The following SHPRH variants were observed in gnomAD, a reference collection of about 807,000 sequenced individuals.
SHPRH encodes SNF2 histone linker PHD RING helicase, also known as E3 ubiquitin-protein ligase SHPRH.
In SHPRH, 106 loss-of-function variants were observed where a neutral mutation model predicts 202.5. That is an observed-to-expected ratio of 0.52 (90% CI 0.45 to 0.62). The LOEUF is 0.62. Among genes scored for constraint, SHPRH ranks in the 20% least tolerant of loss-of-function variants. The pLI is 0.00. For missense variants in SHPRH, 1,710 were observed against 2,020.0 expected, an observed-to-expected ratio of 0.85 and a Z score of 2.94; for synonymous variants, 729 against 686.0, an observed-to-expected ratio of 1.06 and a Z score of -0.98.
At chr6:145,875,748 C>T (rs559945413) in intron 2 of SHPRH, among the ~76,000 whole-genome samples, 2 of 152,150 alleles carry the variant, frequency 1.3e-5, no homozygotes, top group Non-Finnish European at 2.9e-5. Flanking sequence ...GTCATTCCAG[C>T]TCCACAGAAA....
At chr6:145,866,992 T>G (rs1321043447) in intron 2 of SHPRH, among the ~76,000 whole-genome samples, 1 of 152,166 alleles carries the variant, frequency 6.6e-6, no homozygotes, top group African/African-American at 2.4e-5. Context: ...CACTTCAAGG[T>G]TGCCAACAGA....
At chr6:145,963,195 A>G (rs1789279924) in intron 1 of SHPRH, among the ~76,000 whole-genome samples, 1 of 152,220 alleles carries the variant, frequency 6.6e-6, no homozygotes, top group Non-Finnish European at 1.5e-5. Context: ...TGTCTCCAGC[A>G]TGTTTACTAA....
intron 28 of SHPRH, among the ~76,000 whole-genome samples, chr6:145,891,399 C>G (rs1223733668): frequency 1.3e-5 from 2 of 152,144 alleles, no homozygotes; most frequent in Non-Finnish European, 2.9e-5. Flanking sequence ...TCAATAAGGC[C>G]TTGCATGCCT....
intron 25 of SHPRH, among the ~76,000 whole-genome samples, chr6:145,901,442 A>C (rs1018712134): frequency 6.6e-6 from 1 of 152,126 alleles, no homozygotes; most frequent in African/African-American, 2.4e-5. Flanking sequence ...GATAAGATTA[A>C]AACAGGAAAA....
intron 23 of SHPRH, 163 bp downstream of exon 23, chr6:145,917,968 T>C (rs978772603): frequency 2.2e-6 from 1 of 459,008 alleles, no homozygotes; most frequent in East Asian, 3.5e-5. Flanking sequence ...TACAATATTC[T>C]TTTGTGATCT....
chr6:145,902,781 T>C (rs1457729493), intron 25 of SHPRH, among the ~76,000 whole-genome samples: 2 of 152,130 alleles, frequency 1.3e-5, no homozygotes, highest in Admixed American at 1.3e-4. Flanking sequence ...AAATACTTAC[T>C]GAGTGCCTAT....
chr6:145,895,638 TG>T (rs1181497982), intron 25 of SHPRH, among the ~76,000 whole-genome samples: 1 of 151,838 alleles, frequency 6.6e-6, no homozygotes, highest in Non-Finnish European at 1.5e-5. Flanking sequence ...AGGAAAATAG[TG>T]CAAGTATTTC....
Position 145,955,225 on chromosome 6 carries a change from G to C in SHPRH, c.98C>G (p.Pro33Arg). 6.2e-7 allele frequency: 1 copy of C among 1,613,544 alleles called. No homozygotes were observed. Among genetic ancestry groups the C allele is most frequent in the Non-Finnish European group, 8.5e-7 (1 of 1,179,926 alleles). ...WNMHEDRRNE[P>R]IIISDDDEQP... Reference sequence around the variant, plus strand: ...CTCGTCATCATCACTTATGATGATAGGTTCATTCCTTCTGTCCTCATGCAT... The same window carrying C: ...CTCGTCATCATCACTTATGATGATACGTTCATTCCTTCTGTCCTCATGCAT... The change falls in exon 2 of 30, where the codon CCT becomes CGT. Residue 33 changes from proline to arginine, a missense_variant. Coordinates refer to ENST00000275233, the MANE Select transcript of SHPRH (RefSeq NM_001042683.3).
Position 145,911,222 on chromosome 6 carries a change from C to A in SHPRH, c.4327-586G>T, listed in dbSNP as rs113061371. On this transcript the variant is annotated intron_variant, in intron 24 of 29. Coordinates refer to ENST00000275233, the MANE Select transcript of SHPRH (RefSeq NM_001042683.3). ...TGGCTCACTGCAACCTTGCAACCTC[C>A]ACCTCCAGGATTCAAGCAATTTTCC... is the stretch of plus-strand genomic sequence containing the variant. Among the ~76,000 whole-genome samples the A allele has an allele frequency of 4.0e-3, 611 of 152,192 alleles. 3 individuals are homozygous for A. Among genetic ancestry groups the A allele is most frequent in the African/African-American group, 0.014 (581 of 41,510 alleles).
chr6:145,920,608 C>A (rs1784359241), intron 21 of SHPRH, among the ~76,000 whole-genome samples: 1 of 151,996 alleles, frequency 6.6e-6, no homozygotes, highest in Non-Finnish European at 1.5e-5. Flanking sequence ...ACCTATGTCA[C>A]CTGTAAAGCA....
At chr6:145,898,556 T>A (rs1160904165) in intron 25 of SHPRH, among the ~76,000 whole-genome samples, 5 of 152,222 alleles carry the variant, frequency 3.3e-5, no homozygotes, top group African/African-American at 1.2e-4. Context: ...TGGCAGGTGT[T>A]CTGAGTCATG....
At chr6:145,957,619 TA>T (rs1005030723) in intron 1 of SHPRH, among the ~76,000 whole-genome samples, 4 of 152,112 alleles carry the variant, frequency 2.6e-5, no homozygotes, top group African/African-American at 9.7e-5. Flanking sequence ...CATCAGTCAT[TA>T]AAGCAATACA....
intron 1 of SHPRH, among the ~76,000 whole-genome samples, chr6:145,961,719 C>A (rs1295318670): frequency 1.3e-5 from 2 of 152,198 alleles, no homozygotes; most frequent in African/African-American, 4.8e-5. Flanking sequence ...TAATGATAAA[C>A]TGCAGAAAAG....
intron 20 of SHPRH, 63 bp from the exon 21 acceptor site, chr6:145,921,455 T>G (rs1784421476): frequency 1.4e-6 from 2 of 1,458,930 alleles, no homozygotes; most frequent in Non-Finnish European, 1.9e-6. Flanking sequence ...CAACCTTCAA[T>G]GTGAGTTCTA....
chr6:145,932,654 AAACT>A (rs934879791), intron 14 of SHPRH, among the ~76,000 whole-genome samples: 55 of 152,282 alleles, frequency 3.6e-4, no homozygotes, highest in African/African-American at 1.2e-3. Context: ...ATGATCCCAC[AAACT>A]ATTATTTTTA....
At chr6:145,862,449 A>AAC (rs67243210), downstream of SHPRH, among the ~76,000 whole-genome samples, 312 of 151,466 alleles carry the variant, frequency 2.1e-3, 2 homozygotes, top group African/African-American at 7.1e-3. Context: ...AAAAAAACAA[A>AAC]AACAACAACA....
intron 21 of SHPRH, 75 bp from the exon 22 acceptor site, chr6:145,919,566 T>C: frequency 6.6e-7 from 1 of 1,518,666 alleles, no homozygotes. Flanking sequence ...AGATGTGCCT[T>C]AAGCAAAAGT....
chr6:145,920,327 A>T (rs1241475957), intron 21 of SHPRH, among the ~76,000 whole-genome samples: 1 of 152,116 alleles, frequency 6.6e-6, no homozygotes, highest in African/African-American at 2.4e-5. Context: ...GGGGCAACTG[A>T]ACATCATAAG....
intron 4 of SHPRH, 120 bp downstream of exon 4, chr6:145,950,144 C>A: frequency 1.5e-6 from 1 of 689,626 alleles, no homozygotes; most frequent in Non-Finnish European, 2.3e-6. Context: ...AATTTTATGG[C>A]ACCCATTCTA....
Sources: gnomAD v4.1 joint callset for allele counts (sites outside exome capture counted in the v4.1 genomes callset) on GRCh38, gnomAD v4.1.1 for gene constraint, MANE v1.5 for transcripts, NCBI Gene and HGNC (gene_info 2026-07-23, HGNC 2026-07-21) for gene names.